PLEKHM3: variants seen among roughly 807,000 people sequenced by gnomAD.
The protein encoded by PLEKHM3 is pleckstrin homology domain containing M3, also known as pleckstrin homology domain-containing family M member 3.
A neutral mutation model predicts 81.8 loss-of-function variants in PLEKHM3; 45 were observed. The observed-to-expected ratio is 0.55, with a 90% confidence interval of 0.43 to 0.71. The LOEUF is 0.71. Among genes scored for constraint, PLEKHM3 ranks in the 30% least tolerant of loss-of-function variants. The pLI, the probability that PLEKHM3 is intolerant of heterozygous loss-of-function variation, is 0.00. For synonymous variants in PLEKHM3, 352 were observed against 356.4 expected (o/e 0.99, Z 0.14); for missense variants, 788 against 924.3 (o/e 0.85, Z 1.91).
intron 6 of PLEKHM3, among the ~76,000 whole-genome samples, chr2:207,892,897 T>C (rs1005442938): frequency 6.6e-6 from 1 of 152,212 alleles, no homozygotes; most frequent in Non-Finnish European, 1.5e-5. Context: ...GCGATGTGGC[T>C]TAAGCAAACT....
At chr2:207,945,242 C>A (rs1375450632) in intron 4 of PLEKHM3, among the ~76,000 whole-genome samples, 1 of 152,190 alleles carries the variant, frequency 6.6e-6, no homozygotes, top group East Asian at 1.9e-4. Context: ...TTCTTGGCCT[C>A]CTTTGCTGGT....
chr2:207,884,838 C>T (rs1019000314), intron 6 of PLEKHM3, among the ~76,000 whole-genome samples: 2 of 152,182 alleles, frequency 1.3e-5, no homozygotes, highest in Non-Finnish European at 2.9e-5. Context: ...TCTGGCCCTG[C>T]CTACTCCCAA....
In PLEKHM3 at chr2:208,001,700, T is replaced by C; in HGVS notation, c.-61A>G. The C allele has an allele frequency of 6.5e-7, 1 of 1,547,548 alleles. No homozygotes were observed. Among genetic ancestry groups the C allele is most frequent in the Non-Finnish European group, 8.7e-7 (1 of 1,154,306 alleles). ...GGTTCCAGAAATGGCTTCATGAACA[T>C]TCACCCAACCAAGAGGGGTGCTTCA... is the stretch of plus-strand genomic sequence containing the variant. On this transcript the variant is annotated 5_prime_UTR_variant, in exon 2 of 8. The change abolishes an upstream ATG in the 5' untranslated region. Transcript: ENST00000427836.
chr2:207,924,666 CAG>C (rs949176969), intron 5 of PLEKHM3, among the ~76,000 whole-genome samples: 1 of 152,100 alleles, frequency 6.6e-6, no homozygotes, highest in Non-Finnish European at 1.5e-5. Context: ...ACCTGGGTGA[CAG>C]AGAGAGACTC....
intron 1 of PLEKHM3, among the ~76,000 whole-genome samples, chr2:208,011,502 C>T (rs558742679): frequency 6.6e-6 from 1 of 152,122 alleles, no homozygotes; most frequent in South Asian, 2.1e-4. Flanking sequence ...AGTGAAGTAA[C>T]TCAGGAATGA....
chr2:207,912,221 G>A (rs763390684), intron 5 of PLEKHM3, among the ~76,000 whole-genome samples: 1 of 152,156 alleles, frequency 6.6e-6, no homozygotes, highest in Non-Finnish European at 1.5e-5. Context: ...ACCAACTTTG[G>A]TCACAATCAT....
In PLEKHM3 at chr2:207,913,435, G is replaced by T. The variant is rs111412061; in HGVS notation, c.1887-4858C>A. Reference sequence around the variant, plus strand: ...GGGAGGAGAAAAAGCAGAAGAGCCAGCACCAGGGAAGCCAAGGAAGGAGAG... The same window carrying T: ...GGGAGGAGAAAAAGCAGAAGAGCCATCACCAGGGAAGCCAAGGAAGGAGAG... On this transcript the variant is annotated intron_variant, in intron 5 of 7. Coordinates refer to ENST00000427836, the MANE Select transcript of PLEKHM3 (RefSeq NM_001080475.3). 1.0e-2 allele frequency among the ~76,000 whole-genome samples: 1,518 copies of T among 152,262 alleles called. 25 individuals carry two copies. Among genetic ancestry groups the T allele is most frequent in the African/African-American group, 0.034 (1,430 of 41,542 alleles).
At chr2:207,860,651 T>C (rs1377183065) in intron 7 of PLEKHM3, among the ~76,000 whole-genome samples, 1 of 152,194 alleles carries the variant, frequency 6.6e-6, no homozygotes, top group Non-Finnish European at 1.5e-5. Context: ...TCCACTGCAG[T>C]GCATGCATCT....
intron 7 of PLEKHM3, among the ~76,000 whole-genome samples, chr2:207,834,991 A>T (rs2092310458): frequency 6.7e-6 from 1 of 148,838 alleles, no homozygotes; most frequent in Non-Finnish European, 1.5e-5. Context: ...CCCAGGCTGG[A>T]GTGCAGTGGC....
chr2:207,991,631 C>T (rs1691903334), intron 2 of PLEKHM3, among the ~76,000 whole-genome samples: 1 of 152,064 alleles, frequency 6.6e-6, no homozygotes, highest in South Asian at 2.1e-4. Context: ...AGATGCCCTG[C>T]TCTCTCTCTT....
intron 6 of PLEKHM3, among the ~76,000 whole-genome samples, chr2:207,885,651 T>C (rs1464065061): frequency 2.6e-5 from 4 of 152,260 alleles, no homozygotes; most frequent in Non-Finnish European, 4.4e-5. Context: ...AACTGTGCTA[T>C]GAACTTTCCA....
intron 4 of PLEKHM3, among the ~76,000 whole-genome samples, chr2:207,939,230 T>C (rs1212183169): frequency 6.6e-6 from 1 of 152,174 alleles, no homozygotes; most frequent in African/African-American, 2.4e-5. Flanking sequence ...ATGGCAAATA[T>C]ATTTATAGCC....
intron 5 of PLEKHM3, among the ~76,000 whole-genome samples, chr2:207,914,557 C>T (rs990961400): frequency 9.3e-5 from 14 of 151,096 alleles, no homozygotes; most frequent in Admixed American, 5.9e-4. Flanking sequence ...TGGTGAATGC[C>T]TGTGGTCCCA....
chr2:207,873,425 G>C (rs925286656), intron 6 of PLEKHM3, among the ~76,000 whole-genome samples: 3 of 152,270 alleles, frequency 2.0e-5, no homozygotes, highest in Middle Eastern at 6.8e-3. Flanking sequence ...GATCAATAGG[G>C]ATCTCTTTCA....
At chr2:207,929,911 A>AAGG (rs1394611788) in intron 5 of PLEKHM3, 1 of 700,720 alleles carries the variant, frequency 1.4e-6, no homozygotes, top group African/African-American at 1.7e-5. Flanking sequence ...AAAAACATTT[A>AAGG]ACATGACTAA....
chr2:207,904,231 A>G (rs1006988021), intron 6 of PLEKHM3, among the ~76,000 whole-genome samples: 3 of 152,168 alleles, frequency 2.0e-5, no homozygotes, highest in South Asian at 4.1e-4. Context: ...TTATATTCAA[A>G]GAGTTTGGAT....
chr2:207,844,122 C>T (rs74781993), intron 7 of PLEKHM3, among the ~76,000 whole-genome samples: 4,011 of 151,690 alleles, frequency 0.026, 160 homozygotes, highest in African/African-American at 0.092. Flanking sequence ...TCTCAAAGAA[C>T]GGTCTTAAGA....
chr2:207,849,482 A>G (rs1389721928), intron 7 of PLEKHM3, among the ~76,000 whole-genome samples: 1 of 152,230 alleles, frequency 6.6e-6, no homozygotes, highest in Non-Finnish European at 1.5e-5. Context: ...ACTTGTGCAC[A>G]AAGAAAAACT....
intron 2 of PLEKHM3, among the ~76,000 whole-genome samples, chr2:207,991,982 T>C (rs565285539): frequency 6.6e-6 from 1 of 152,230 alleles, no homozygotes; most frequent in Non-Finnish European, 1.5e-5. Context: ...GAGTATTTTG[T>C]TACTTGCTTC....
Sources: allele counts gnomAD v4.1 joint callset (sites outside exome capture counted in the v4.1 genomes callset), GRCh38; gene constraint gnomAD v4.1.1; transcripts MANE v1.5; gene names NCBI Gene and HGNC (gene_info 2026-07-23, HGNC 2026-07-21).